Variants in PTPN4 observed in about 807,000 individuals in gnomAD.
PTPN4 encodes the protein tyrosine-protein phosphatase non-receptor type 4.
In PTPN4, 49 loss-of-function variants were observed where a neutral mutation model predicts 135.5. The ratio of observed to expected loss-of-function variants is 0.36; its 90% CI spans 0.29 to 0.46. The LOEUF (loss-of-function observed/expected upper bound fraction) is 0.46, where lower values mean the gene tolerates loss of function less well. Ranked by LOEUF, PTPN4 falls within the 20% of genes least tolerant of loss-of-function variation. The pLI is 1.00. For missense variants in PTPN4, 860 were observed against 1,101.0 expected, an observed-to-expected ratio of 0.78 and a Z score of 3.10; for synonymous variants, 333 against 369.9, an observed-to-expected ratio of 0.90 and a Z score of 1.14.
At chr2:119,814,131 A>G (rs909914930) in intron 2 of PTPN4, among the ~76,000 whole-genome samples, 3 of 152,160 alleles carry the variant, frequency 2.0e-5, no homozygotes, top group Non-Finnish European at 2.9e-5. Context: ...CATTTACACA[A>G]TTTTCAAAAC....
chr2:119,951,991 A>C lies in PTPN4; in HGVS notation c.1675A>C (p.Arg559=). The change falls in exon 19 of 27, where the codon AGA becomes CGA. Residue 559 remains arginine, a synonymous_variant. Coordinates refer to ENST00000263708, the MANE Select transcript of PTPN4 (RefSeq NM_002830.4). The stretch of plus-strand genomic sequence containing the variant: ...ATTACAGGCTGACCTCTGTGTCCCT[A>C]GACTGAATGAAGGGGACCAAGTTGT... The part of the protein sequence containing the change: ...PGTPADLCVP[R]LNEGDQVVLI... The C allele has an allele frequency of 4.3e-6, 7 of 1,612,642 alleles. No homozygotes were observed. Among genetic ancestry groups the C allele is most frequent in the Non-Finnish European group, 5.9e-6 (7 of 1,178,998 alleles).
intron 10 of PTPN4, among the ~76,000 whole-genome samples, chr2:119,906,764 G>A (rs1418354602): frequency 6.6e-6 from 1 of 152,168 alleles, no homozygotes; most frequent in African/African-American, 2.4e-5. Context: ...AGAAGACAAG[G>A]ATGCCCACGC....
At chr2:119,962,183 A>C (rs559242996) in intron 23 of PTPN4, among the ~76,000 whole-genome samples, 1 of 152,184 alleles carries the variant, frequency 6.6e-6, no homozygotes, top group Non-Finnish European at 1.5e-5. Context: ...GGCTGGGCGC[A>C]GTGGCTCACA....
chr2:119,918,767 A>C (rs1161968564), intron 11 of PTPN4, among the ~76,000 whole-genome samples: 1 of 152,274 alleles, frequency 6.6e-6, no homozygotes, highest in Non-Finnish European at 1.5e-5. Context: ...ATATGTGTAC[A>C]CCAGAGAACA....
intron 16 of PTPN4, 91 bp downstream of exon 16, chr2:119,945,331 A>G: frequency 4.3e-6 from 5 of 1,171,150 alleles, no homozygotes; most frequent in Non-Finnish European, 5.9e-6. Context: ...TTTTAGTTGT[A>G]AGTTGTATTA....
chr2:119,969,940 G>A (rs1253697048), intron 26 of PTPN4, among the ~76,000 whole-genome samples: 1 of 152,126 alleles, frequency 6.6e-6, no homozygotes, highest in African/African-American at 2.4e-5. Context: ...TTTTATAACA[G>A]CTTTATTAAA....
At chr2:119,823,850 C>T (rs1677106941) in intron 2 of PTPN4, among the ~76,000 whole-genome samples, 1 of 152,172 alleles carries the variant, frequency 6.6e-6, no homozygotes, top group East Asian at 1.9e-4. Context: ...AGAAAAGACC[C>T]TTCAGCTTCT....
At chr2:119,840,788 G>T (rs949266152) in intron 2 of PTPN4, among the ~76,000 whole-genome samples, 1 of 152,178 alleles carries the variant, frequency 6.6e-6, no homozygotes, top group Non-Finnish European at 1.5e-5. Flanking sequence ...ATTCTGACTG[G>T]TGTGAGATGG....
intron 9 of PTPN4, among the ~76,000 whole-genome samples, chr2:119,887,050 C>G (rs756402880): frequency 6.6e-6 from 1 of 151,050 alleles, no homozygotes; most frequent in South Asian, 2.1e-4. Flanking sequence ...CCTTTATTTT[C>G]CTTCCTTATT....
chr2:119,904,148 T>C (rs193120593), intron 10 of PTPN4, among the ~76,000 whole-genome samples: 15 of 152,114 alleles, frequency 9.9e-5, no homozygotes, highest in Admixed American at 5.2e-4. Flanking sequence ...TGCAATGATA[T>C]ATGACAGCTT....
At chr2:119,941,939 G>A (rs556302478) in intron 15 of PTPN4, among the ~76,000 whole-genome samples, 1 of 152,238 alleles carries the variant, frequency 6.6e-6, no homozygotes, top group African/African-American at 2.4e-5. Flanking sequence ...CTGCCACTTG[G>A]CTTTATACAG....
Position 119,908,342 on chromosome 2 carries a change from C to G in PTPN4, c.765-6837C>G, listed in dbSNP as rs79749327. ...TTTGTGGCAACCCTGCATCAAACAACTCTGTTGTTGCCATTTTTCTGCCAG... is the reference window on the plus strand; with the variant it reads ...TTTGTGGCAACCCTGCATCAAACAAGTCTGTTGTTGCCATTTTTCTGCCAG... On this transcript the variant is annotated intron_variant, in intron 10 of 26. Transcript: ENST00000263708. Among the ~76,000 whole-genome samples, 606 of 152,222 alleles carry G rather than the reference C, an allele frequency of 4.0e-3. 6 individuals are homozygous for G. In the East Asian group the frequency reaches 0.047, roughly 12 times the overall value.
chr2:119,810,403 A>G lies in PTPN4; in HGVS notation c.138+412A>G, dbSNP rs1216806828. 3.9e-5 allele frequency among the ~76,000 whole-genome samples: 6 copies of G among 152,302 alleles called. No homozygotes were observed. In the East Asian group the frequency reaches 1.2e-3, roughly 29 times the overall value. ...CCTGATCTTATCTATCGTCTGAAATATTTATTTAACAAATATTTGTTCATC... is the reference window on the plus strand; with the variant it reads ...CCTGATCTTATCTATCGTCTGAAATGTTTATTTAACAAATATTTGTTCATC... On this transcript the variant is annotated intron_variant, in intron 2 of 26. Transcript: ENST00000263708.
intron 2 of PTPN4, among the ~76,000 whole-genome samples, chr2:119,845,801 ATCTTT>A (rs144544223): frequency 0.022 from 3,394 of 152,134 alleles, 127 homozygotes; most frequent in African/African-American, 0.077. Flanking sequence ...TTTATATGAG[ATCTTT>A]TCTTTTGTTA....
chr2:119,779,187 T>C (rs1246973880), intron 1 of PTPN4, among the ~76,000 whole-genome samples: 1 of 152,220 alleles, frequency 6.6e-6, no homozygotes, highest in Non-Finnish European at 1.5e-5. Context: ...TACAGCGTTA[T>C]AACAATAAGC....
intron 12 of PTPN4, among the ~76,000 whole-genome samples, chr2:119,925,877 CTTTAA>C (rs1678816912): frequency 1.3e-5 from 2 of 152,104 alleles, no homozygotes; most frequent in Non-Finnish European, 2.9e-5. Flanking sequence ...CAGTGATGAA[CTTTAA>C]TTTATTACCT....
intron 10 of PTPN4, among the ~76,000 whole-genome samples, chr2:119,903,004 C>T (rs913648829): frequency 6.6e-6 from 1 of 152,192 alleles, no homozygotes; most frequent in African/African-American, 2.4e-5. Context: ...CATTTCCCCA[C>T]TGACAACCCT....
At chr2:119,869,526 T>C (rs1025803178) in intron 3 of PTPN4, among the ~76,000 whole-genome samples, 1 of 152,208 alleles carries the variant, frequency 6.6e-6, no homozygotes, top group Admixed American at 6.5e-5. Flanking sequence ...ATCCTCTTTC[T>C]GAGTTCTCCT....
At chr2:119,902,733 G>A (rs530428395) in intron 10 of PTPN4, among the ~76,000 whole-genome samples, 7 of 152,304 alleles carry the variant, frequency 4.6e-5, no homozygotes, top group Non-Finnish European at 7.3e-5. Flanking sequence ...GCAAGGAAAA[G>A]GTAAGCAAGA....
Sources: allele counts gnomAD v4.1 joint callset (sites outside exome capture counted in the v4.1 genomes callset), GRCh38; gene constraint gnomAD v4.1.1; transcripts MANE v1.5; gene names NCBI Gene and HGNC (gene_info 2026-07-23, HGNC 2026-07-21).